Variants in RALGPS1 observed in about 807,000 individuals in gnomAD.
RALGPS1 encodes Ral GEF with PH domain and SH3 binding motif 1.
In RALGPS1, 19 loss-of-function variants were observed where a neutral mutation model predicts 78.8. The ratio of observed to expected loss-of-function variants is 0.24; its 90% confidence interval spans 0.17 to 0.35. The LOEUF is 0.35. RALGPS1 is among the 10% of genes least tolerant of loss of function. RALGPS1 has a pLI of 1.00. For missense variants in RALGPS1, 454 were observed against 688.3 expected (o/e 0.66, Z 3.81); for synonymous variants, 228 against 256.3 (o/e 0.89, Z 1.06).
intron 1 of RALGPS1, among the ~76,000 whole-genome samples, chr9:126,941,420 A>G (rs2036779640): frequency 6.6e-6 from 1 of 152,180 alleles, no homozygotes; most frequent in African/African-American, 2.4e-5. Context: ...TATCCCATAT[A>G]CCCCATAAAT....
intron 8 of RALGPS1, among the ~76,000 whole-genome samples, chr9:127,116,786 C>T (rs183441635): frequency 7.9e-5 from 12 of 152,334 alleles, no homozygotes; most frequent in Admixed American, 2.6e-4. Context: ...TCACTGATCC[C>T]GGTAGCTCTT....
chr9:127,154,791 T>G (rs1472819836), intron 8 of RALGPS1, among the ~76,000 whole-genome samples: 1 of 152,188 alleles, frequency 6.6e-6, no homozygotes, highest in Admixed American at 6.5e-5. Flanking sequence ...GGAAAATACT[T>G]TGGCGACTGA....
At chr9:127,182,348 T>C (rs541001428) in intron 11 of RALGPS1, among the ~76,000 whole-genome samples, 93 of 133,450 alleles carry the variant, frequency 7.0e-4, no homozygotes, top group African/African-American at 2.4e-3. Flanking sequence ...CTTCCTTCCT[T>C]CCTCCCTTCC....
rs2062315671 is a variant in RALGPS1 at position 127,212,365 on chromosome 9, C to T, written c.1353+129C>T. 2 of 726,430 alleles carry T rather than the reference C, an allele frequency of 2.8e-6. No individual in the cohort carries two copies. Among genetic ancestry groups the T allele is most frequent in the African/African-American group, 1.8e-5 (1 of 55,958 alleles). 45.0% of individuals were successfully genotyped at this position (726,430 alleles called of 1,614,324 possible). On this transcript the variant is annotated intron_variant, in intron 15 of 18. Coordinates refer to ENST00000259351, the MANE Select transcript of RALGPS1 (RefSeq NM_014636.3). The surrounding 1 kb of genome is among the most constrained non-coding windows in gnomAD (Gnocchi z 6.0). ...CTGCTTGCAGTGGGCATGCAGCGAG[C>T]TGAACTCTCAGGAATTATACCTGAC...
chr9:127,209,181 CAGAAGAAAGCCCCGGGGCTGGA>C (rs1036121400), intron 14 of RALGPS1, among the ~76,000 whole-genome samples: 1 of 152,226 alleles, frequency 6.6e-6, no homozygotes, highest in African/African-American at 2.4e-5. Flanking sequence ...CGGTGATTCT[CAGAAGAAAGCCCCGGGGCTGGA>C]AGAAGAGCAG....
intron 7 of RALGPS1, among the ~76,000 whole-genome samples, chr9:127,064,790 A>G (rs905802371): frequency 3.9e-5 from 6 of 152,194 alleles, no homozygotes; most frequent in Non-Finnish European, 7.3e-5. Flanking sequence ...ATGAGTAAAT[A>G]TGCGTCACTA....
intron 7 of RALGPS1, among the ~76,000 whole-genome samples, chr9:127,059,547 G>C (rs1408302878): frequency 2.6e-5 from 4 of 152,064 alleles, no homozygotes; most frequent in Non-Finnish European, 5.9e-5. Flanking sequence ...TTGTTGCTAT[G>C]GATGTGGATG....
intron 11 of RALGPS1, among the ~76,000 whole-genome samples, chr9:127,186,973 C>T (rs2060690250): frequency 6.6e-6 from 1 of 152,094 alleles, no homozygotes; most frequent in Admixed American, 6.5e-5. Context: ...GCAGGAAGCA[C>T]ATGGAGACAG....
chr9:127,068,478 T>A (rs144426948), intron 7 of RALGPS1, among the ~76,000 whole-genome samples: 52 of 152,322 alleles, frequency 3.4e-4, no homozygotes, highest in Non-Finnish European at 6.9e-4. Context: ...ACCCACAAAT[T>A]GCTGTTATGT....
intron 3 of RALGPS1, among the ~76,000 whole-genome samples, chr9:126,974,963 T>TC (rs1181890162): frequency 2.0e-5 from 3 of 152,028 alleles, no homozygotes; most frequent in African/African-American, 7.2e-5. Flanking sequence ...TACCCATACT[T>TC]CCCACCCCCC....
At chr9:127,196,723 G>C (rs1304472184) in intron 13 of RALGPS1, 92 bp downstream of exon 13, 1 of 1,413,030 alleles carries the variant, frequency 7.1e-7, no homozygotes, top group Non-Finnish European at 9.5e-7. Flanking sequence ...GCCATGCCCA[G>C]TGGCGCTATC....
intron 14 of RALGPS1, among the ~76,000 whole-genome samples, chr9:127,209,571 A>C (rs752278551): frequency 1.1e-4 from 17 of 152,142 alleles, no homozygotes; most frequent in Non-Finnish European, 2.2e-4. Flanking sequence ...GTCCAAGCAC[A>C]TGCTATGGTA....
chr9:127,103,416 A>G (rs911805603), intron 8 of RALGPS1, among the ~76,000 whole-genome samples: 1 of 152,234 alleles, frequency 6.6e-6, no homozygotes, highest in Non-Finnish European at 1.5e-5. Flanking sequence ...GTCTACTGAC[A>G]TTTATACAGT....
intron 4 of RALGPS1, among the ~76,000 whole-genome samples, chr9:126,992,840 T>C (rs62580787): frequency 0.027 from 4,181 of 152,346 alleles, 51 homozygotes; most frequent in Middle Eastern, 0.048. Context: ...CTTGTTTCTT[T>C]CTGAACTGGA....
intron 5 of RALGPS1, among the ~76,000 whole-genome samples, chr9:127,048,620 C>T (rs893571368): frequency 2.6e-5 from 4 of 152,136 alleles, no homozygotes; most frequent in South Asian, 2.1e-4. Context: ...TTCCATGTTC[C>T]GTAATATGCC....
At chr9:127,090,852 G>A (rs2052382427) in intron 8 of RALGPS1, among the ~76,000 whole-genome samples, 1 of 152,196 alleles carries the variant, frequency 6.6e-6, no homozygotes, top group Non-Finnish European at 1.5e-5. Flanking sequence ...TTGGCCCTGG[G>A]GAGGCATTAA....
intron 12 of RALGPS1, 59 bp downstream of exon 12, chr9:127,195,276 G>A (rs2061294974): frequency 2.5e-6 from 4 of 1,586,890 alleles, no homozygotes; most frequent in African/African-American, 1.3e-5. Context: ...ATGGGCCTGG[G>A]CACAGTGCAG....
chr9:127,044,887 T>C (rs1277036366), intron 5 of RALGPS1, among the ~76,000 whole-genome samples: 2 of 152,238 alleles, frequency 1.3e-5, no homozygotes, highest in African/African-American at 4.8e-5. Flanking sequence ...TGAATCATTA[T>C]TGTTGGTTTA....
At chr9:127,198,769 G>A (rs2061467975) in intron 13 of RALGPS1, among the ~76,000 whole-genome samples, 1 of 152,182 alleles carries the variant, frequency 6.6e-6, no homozygotes, top group Non-Finnish European at 1.5e-5. Context: ...CCAGTGGGCA[G>A]TTAGCTGTGG....
Sources: allele counts gnomAD v4.1 joint callset (sites outside exome capture counted in the v4.1 genomes callset), GRCh38; gene constraint gnomAD v4.1.1; non-coding constraint Gnocchi (gnomAD v3.1); transcripts MANE v1.5; gene names NCBI Gene and HGNC (gene_info 2026-07-23, HGNC 2026-07-21).